MOK: variants seen among roughly 807,000 people sequenced by gnomAD.
MOK encodes MOK protein kinase.
MOK carries 59 observed loss-of-function variants against 54.2 expected under a neutral mutation model. That is an observed-to-expected ratio of 1.09 (90% CI 0.88 to 1.35). MOK has a LOEUF of 1.35. MOK is among the 40% of genes most tolerant of loss of function. The pLI is 0.00. For missense variants in MOK, 517 were observed against 526.2 expected (o/e 0.98, Z 0.17); for synonymous variants, 210 against 202.7 (o/e 1.04, Z -0.31).
intron 2 of MOK, among the ~76,000 whole-genome samples, chr14:102,277,019 T>A (rs2068935679): frequency 1.3e-5 from 2 of 149,748 alleles, no homozygotes; most frequent in Admixed American, 1.3e-4. Context: ...TGGTCTTTTT[T>A]TTTTTTTTTT....
chr14:102,298,797 G>A (rs867642252), intron 1 of MOK, among the ~76,000 whole-genome samples: 1 of 152,168 alleles, frequency 6.6e-6, no homozygotes, highest in Non-Finnish European at 1.5e-5. Flanking sequence ...TTTGGGTCCA[G>A]GCTGCTTTTA....
chr14:102,283,162 T>G (rs905972548), intron 2 of MOK: 2 of 195,538 alleles, frequency 1.0e-5, no homozygotes, highest in African/African-American at 4.8e-5. Context: ...ATTTTTTTGC[T>G]GTTTTTTTTA....
chr14:102,304,392 C>A (rs1056746688), intron 1 of MOK, among the ~76,000 whole-genome samples: 3 of 152,214 alleles, frequency 2.0e-5, no homozygotes, highest in African/African-American at 7.2e-5. Context: ...CATTTCCCAA[C>A]TTTGAAGTAA....
At chr14:102,254,377 AAAGT>A (rs1233803429) in intron 4 of MOK, among the ~76,000 whole-genome samples, 68 of 152,362 alleles carry the variant, frequency 4.5e-4, no homozygotes, top group African/African-American at 1.6e-3. Context: ...AAAAGAATCA[AAAGT>A]AAGACCTTTA....
downstream of MOK, chr14:102,222,694 G>T: frequency 2.4e-6 from 2 of 825,486 alleles, no homozygotes; most frequent in Admixed American, 2.0e-5. The surrounding 1 kb of genome is among the most constrained non-coding windows in gnomAD (Gnocchi z 4.4). Context: ...AGATGAAGTG[G>T]AGGGTTTGCT....
chr14:102,248,829 TC>T (rs2066306485), intron 7 of MOK, among the ~76,000 whole-genome samples: 3 of 145,560 alleles, frequency 2.1e-5, no homozygotes, highest in Non-Finnish European at 4.5e-5. Context: ...ACCAAAGAAC[TC>T]CCTCAAATTC....
intron 2 of MOK, among the ~76,000 whole-genome samples, chr14:102,268,788 G>A (rs916274303): frequency 2.0e-5 from 3 of 151,936 alleles, no homozygotes; most frequent in Admixed American, 2.0e-4. Flanking sequence ...GGTGGCGGGT[G>A]CCTGTAGTCC....
chr14:102,290,792 T>A (rs956225763), intron 1 of MOK, among the ~76,000 whole-genome samples: 7 of 152,048 alleles, frequency 4.6e-5, no homozygotes, highest in Admixed American at 1.3e-4. Context: ...ATTTAGGAAA[T>A]ACAGAGTTAA....
intron 1 of MOK, among the ~76,000 whole-genome samples, chr14:102,291,192 T>C (rs2070729561): frequency 1.3e-5 from 2 of 151,416 alleles, no homozygotes; most frequent in Admixed American, 1.3e-4. Flanking sequence ...CATAACTTGC[T>C]TGACAACTAT....
downstream of MOK, chr14:102,224,633 A>C: frequency 2.2e-6 from 1 of 455,948 alleles, no homozygotes; most frequent in Non-Finnish European, 4.4e-6. Context: ...CATTTTCACC[A>C]TTTGTATGAA....
At chr14:102,290,013 C>T (rs1347171098) in intron 1 of MOK, among the ~76,000 whole-genome samples, 1 of 152,052 alleles carries the variant, frequency 6.6e-6, no homozygotes, top group Non-Finnish European at 1.5e-5. Flanking sequence ...TCTGGTTTCT[C>T]AAAACAGGTC....
intron 1 of MOK, among the ~76,000 whole-genome samples, chr14:102,293,701 C>CAAAAAAAAAAAAAAAAAAAAAAAA (rs10598736): frequency 2.7e-4 from 15 of 54,594 alleles, no homozygotes; most frequent in East Asian, 9.7e-4. Context: ...AACTCCATCA[C>CAAAAAAAAAAAAAAAAAAAAAAAA]AAAAAAAAAA....
Position 102,232,481 on chromosome 14 carries a change from G to A in MOK, c.866+54C>T. 3 of 1,563,134 alleles carry A rather than the reference G, an allele frequency of 1.9e-6. No individual in the cohort carries two copies. Among genetic ancestry groups the A allele is most frequent in the Non-Finnish European group, 2.6e-6 (3 of 1,147,578 alleles). ...TACCTTGCCCCACCATGTGCCCATG[G>A]GTCTCATTTGCCAGGTCCTGCATCT... On this transcript the variant is annotated intron_variant, in intron 9 of 11. Transcript: ENST00000361847. The surrounding 1 kb of genome is among the most constrained non-coding windows in gnomAD (Gnocchi z 5.1).
chr14:102,224,099 T>C (rs965750803), downstream of MOK, among the ~76,000 whole-genome samples: 10 of 148,726 alleles, frequency 6.7e-5, no homozygotes, highest in Middle Eastern at 3.5e-3. Flanking sequence ...TGGAGTGCAG[T>C]GGCGCAATCT....
At chr14:102,271,619 C>T (rs550974526) in intron 2 of MOK, among the ~76,000 whole-genome samples, 177 of 149,774 alleles carry the variant, frequency 1.2e-3, no homozygotes, top group Non-Finnish European at 2.3e-3. Flanking sequence ...AGTGCACGAG[C>T]GCAACCTCGG....
At chr14:102,251,734 G>A (rs780583851) in intron 6 of MOK, 22 bp downstream of exon 6, 18 of 1,544,882 alleles carry the variant, frequency 1.2e-5, no homozygotes, top group Non-Finnish European at 1.5e-5. Context: ...CTGATACCCA[G>A]CTTTCATGTA....
chr14:102,280,924 C>T (rs2069349969), intron 2 of MOK: 1 of 152,320 alleles, frequency 6.6e-6, no homozygotes, highest in South Asian at 2.1e-4. Context: ...AGAGGCTGGA[C>T]CCAGGACTGT....
chr14:102,259,776 T>G (rs1206102330), intron 4 of MOK, among the ~76,000 whole-genome samples: 2 of 152,198 alleles, frequency 1.3e-5, no homozygotes, highest in Non-Finnish European at 2.9e-5. Flanking sequence ...CCAGGTACAG[T>G]GGCTCACGCT....
intron 4 of MOK, among the ~76,000 whole-genome samples, chr14:102,256,724 TAAAAAA>T (rs11298006): frequency 7.4e-6 from 1 of 135,820 alleles, no homozygotes; most frequent in Non-Finnish European, 1.6e-5. Context: ...TTGAAACAGT[TAAAAAA>T]AAAAAAAAAA....
Sources: allele counts gnomAD v4.1 joint callset (sites outside exome capture counted in the v4.1 genomes callset), GRCh38; gene constraint gnomAD v4.1.1; non-coding constraint Gnocchi (gnomAD v3.1); transcripts MANE v1.5; gene names NCBI Gene and HGNC (gene_info 2026-07-23, HGNC 2026-07-21).